The following MEIKIN variants were observed in gnomAD, a reference collection of about 807,000 sequenced individuals.
The protein encoded by MEIKIN is meiotic kinetochore factor.
chr5:131,936,525 T>C (rs1751779686), intron 4 of MEIKIN, among the ~76,000 whole-genome samples: 1 of 152,248 alleles, frequency 6.6e-6, no homozygotes, highest in African/African-American at 2.4e-5. Flanking sequence ...GAGCTATTTA[T>C]TACCTAATTT....
At chr5:131,850,188 A>G (rs952319734) in intron 11 of MEIKIN, among the ~76,000 whole-genome samples, 19 of 152,206 alleles carry the variant, frequency 1.2e-4, no homozygotes, top group African/African-American at 4.6e-4. Flanking sequence ...TAAAGAAAAC[A>G]TAAATAAATG....
chr5:131,895,243 G>T (rs1011938421), intron 8 of MEIKIN, among the ~76,000 whole-genome samples: 9 of 152,234 alleles, frequency 5.9e-5, no homozygotes, highest in African/African-American at 1.4e-4. Flanking sequence ...GAAGCCCACT[G>T]GATCATGGTG....
intron 8 of MEIKIN, among the ~76,000 whole-genome samples, chr5:131,897,314 T>C (rs200758252): frequency 6.6e-6 from 1 of 152,208 alleles, no homozygotes; most frequent in African/African-American, 2.4e-5. Context: ...CTGCCCTTAA[T>C]ATTTTTTCCT....
chr5:131,870,495 G>A (rs934822535), intron 9 of MEIKIN, among the ~76,000 whole-genome samples: 8 of 151,730 alleles, frequency 5.3e-5, no homozygotes, highest in South Asian at 4.2e-4. Flanking sequence ...CATTTCGCCC[G>A]TTTCCACGAC....
chr5:131,926,991 C>G (rs945779875), intron 5 of MEIKIN, among the ~76,000 whole-genome samples: 3 of 151,976 alleles, frequency 2.0e-5, no homozygotes, highest in African/African-American at 4.8e-5. Context: ...TTTCAATTTT[C>G]TGTTCCATTT....
At chr5:131,861,527 C>T (rs1423451171) in intron 9 of MEIKIN, among the ~76,000 whole-genome samples, 1 of 152,102 alleles carries the variant, frequency 6.6e-6, no homozygotes, top group Non-Finnish European at 1.5e-5. Flanking sequence ...GCATTCTTGT[C>T]TTGTTCTTAG....
At chr5:131,893,856 C>T (rs931527163) in intron 8 of MEIKIN, among the ~76,000 whole-genome samples, 3 of 152,166 alleles carry the variant, frequency 2.0e-5, no homozygotes, top group Non-Finnish European at 4.4e-5. Context: ...TAGTTTCCTT[C>T]ACTCTGATTG....
At position 131,807,044 on chromosome 5, in the gene MEIKIN, AT is replaced by A. The variant is rs892420977; in HGVS notation, c.*191del. On this transcript the variant is annotated 3_prime_UTR_variant, in exon 13 of 13. Transcript: ENST00000442687. ...ATATATTTAAGAAGCATATGGAATA[AT>A]TTTTTTTCTTAACTGATTAAAAGTA... The A allele has an allele frequency of 3.7e-5, 14 of 379,388 alleles. No individual in the cohort carries two copies. The highest frequency in any genetic ancestry group is 8.3e-5 in the African/African-American group (4 of 48,148). The allele number at this position is 379,388 out of a possible 1,614,324, so 23.5% of individuals were successfully genotyped here. A position where few individuals can be genotyped will look rare whatever the true frequency, so the allele number is the denominator to read the frequency against.
intron 11 of MEIKIN, among the ~76,000 whole-genome samples, chr5:131,837,070 T>A (rs1749821230): frequency 6.6e-6 from 1 of 152,156 alleles, no homozygotes; most frequent in African/African-American, 2.4e-5. Flanking sequence ...AGGGGTTCAT[T>A]TTCAATCTTC....
At chr5:131,850,235 T>C (rs1041497478) in intron 11 of MEIKIN, among the ~76,000 whole-genome samples, 1 of 152,092 alleles carries the variant, frequency 6.6e-6, no homozygotes, top group Non-Finnish European at 1.5e-5. Flanking sequence ...GAAGATGCAA[T>C]ACTGTTAAGA....
At chr5:131,867,721 C>T (rs544870585) in intron 9 of MEIKIN, among the ~76,000 whole-genome samples, 35 of 152,272 alleles carry the variant, frequency 2.3e-4, no homozygotes, top group Admixed American at 9.8e-4. Context: ...CTTTTCAGTG[C>T]TAAATAATAT....
chr5:131,880,404 ATTTTTT>A (rs57737828), intron 8 of MEIKIN, among the ~76,000 whole-genome samples: 60 of 135,018 alleles, frequency 4.4e-4, no homozygotes, highest in Non-Finnish European at 7.8e-4. Context: ...TGCCCGGCCT[ATTTTTT>A]TTTTTTTTTA....
chr5:131,891,928 C>T (rs1750928980), intron 8 of MEIKIN, among the ~76,000 whole-genome samples: 1 of 152,138 alleles, frequency 6.6e-6, no homozygotes, highest in African/African-American at 2.4e-5. Flanking sequence ...CAACATCTCT[C>T]AGCATTTGCT....
At chr5:131,813,429 C>CTT (rs70974017) in intron 12 of MEIKIN, among the ~76,000 whole-genome samples, 66,734 of 140,510 alleles carry the variant, frequency 0.47, 18,583 homozygotes, top group Non-Finnish European at 0.62. Context: ...TAACTATATT[C>CTT]TTTTTTTTTT....
At chr5:131,889,936 TG>T (rs2149633456) in intron 8 of MEIKIN, among the ~76,000 whole-genome samples, 1 of 152,362 alleles carries the variant, frequency 6.6e-6, no homozygotes, top group East Asian at 1.9e-4. Context: ...TGTTGAATTT[TG>T]TCAAAGGCCT....
intron 8 of MEIKIN, among the ~76,000 whole-genome samples, chr5:131,884,955 A>T (rs1195067993): frequency 6.6e-6 from 1 of 151,786 alleles, no homozygotes; most frequent in Non-Finnish European, 1.5e-5. Context: ...TGTGGAAAGA[A>T]GAGAGAAGAG....
intron 8 of MEIKIN, among the ~76,000 whole-genome samples, chr5:131,886,388 G>A (rs1181386343): frequency 6.6e-6 from 1 of 151,928 alleles, no homozygotes; most frequent in African/African-American, 2.4e-5. Context: ...AAAGTTCAAG[G>A]ATAAAGAAAA....
chr5:131,941,978 C>T (rs1164578434), intron 4 of MEIKIN, among the ~76,000 whole-genome samples: 8 of 152,112 alleles, frequency 5.3e-5, no homozygotes, highest in East Asian at 1.9e-4. Flanking sequence ...TAGTAGAAGG[C>T]GCCATTATTT....
chr5:131,895,837 G>A (rs546771930), intron 8 of MEIKIN, among the ~76,000 whole-genome samples: 2 of 152,206 alleles, frequency 1.3e-5, no homozygotes, highest in East Asian at 1.9e-4. Context: ...CAAAAAACCA[G>A]CACCTGGATT....
Sources: gnomAD v4.1 joint callset for allele counts (sites outside exome capture counted in the v4.1 genomes callset) on GRCh38, gnomAD v4.1.1 for gene constraint, MANE v1.5 for transcripts, NCBI Gene and HGNC (gene_info 2026-07-23, HGNC 2026-07-21) for gene names.